Variants in BRD10 observed in about 807,000 individuals in gnomAD.
BRD10 encodes uncharacterized bromodomain-containing protein 10.
chr9:6,007,844 G>A, the BRD10 span: 2 of 1,382,936 alleles, frequency 1.4e-6, no homozygotes, highest in Non-Finnish European at 1.9e-6. Context: ...GCTGGGGGAC[G>A]CGTGAGCGCG....
At chr9:5,930,372 TATATATA>T in the BRD10 span, among the ~76,000 whole-genome samples, 2 of 25,444 alleles carry the variant, frequency 7.9e-5, no homozygotes, top group Non-Finnish European at 1.8e-4. Context: ...AAGGAGATTA[TATATATA>T]TATATATATA....
the BRD10 span, among the ~76,000 whole-genome samples, chr9:5,944,546 T>C: frequency 2.6e-5 from 4 of 152,034 alleles, no homozygotes; most frequent in African/African-American, 7.2e-5. Context: ...TAAAAGCATA[T>C]AATTATTAAG....
At chr9:5,893,809 C>T in the BRD10 span, among the ~76,000 whole-genome samples, 1 of 152,162 alleles carries the variant, frequency 6.6e-6, no homozygotes, top group African/African-American at 2.4e-5. Flanking sequence ...GTTGTGCCAT[C>T]ACCTCCACAT....
At chr9:5,996,661 C>G in the BRD10 span, among the ~76,000 whole-genome samples, 2 of 152,088 alleles carry the variant, frequency 1.3e-5, no homozygotes, top group African/African-American at 4.8e-5. Flanking sequence ...AATCGTTTTG[C>G]TTAGAATATA....
At chr9:5,934,374 T>TTTTTTG in the BRD10 span, among the ~76,000 whole-genome samples, 1 of 150,650 alleles carries the variant, frequency 6.6e-6, no homozygotes, top group African/African-American at 2.4e-5. Context: ...TTTTTTTTTT[T>TTTTTTG]TGGAGACAGG....
chr9:5,990,660 T>C, the BRD10 span, among the ~76,000 whole-genome samples: 1 of 152,146 alleles, frequency 6.6e-6, no homozygotes, highest in African/African-American at 2.4e-5. Context: ...TTACTCATAA[T>C]TAAAAGAAAA....
At chr9:6,007,968 G>A in the BRD10 span, 1 of 1,296,872 alleles carries the variant, frequency 7.7e-7, no homozygotes, top group Non-Finnish European at 9.7e-7. Flanking sequence ...CACCGCCGGC[G>A]GGGCGGGGTT....
chr9:5,884,379 C>T, the BRD10 span, among the ~76,000 whole-genome samples: 2 of 152,206 alleles, frequency 1.3e-5, no homozygotes, highest in Non-Finnish European at 2.9e-5. Flanking sequence ...CGCCCAGGAC[C>T]GGGGCCTCAG....
At chr9:5,907,959 T>C in the BRD10 span, among the ~76,000 whole-genome samples, 60 of 152,060 alleles carry the variant, frequency 3.9e-4, no homozygotes, top group Non-Finnish European at 7.7e-4. Flanking sequence ...ATCTCAAAAA[T>C]AAATAAATAA....
At chr9:5,920,902 T>C in the BRD10 span, 3 of 1,613,910 alleles carry the variant, frequency 1.9e-6, no homozygotes, top group East Asian at 4.5e-5. Context: ...ATGAGCAAAG[T>C]CTATTTGACA....
the BRD10 span, among the ~76,000 whole-genome samples, chr9:5,940,392 A>G: frequency 1.3e-5 from 2 of 151,978 alleles, no homozygotes; most frequent in South Asian, 2.1e-4. Context: ...ACAGGGTTTC[A>G]CCATGTTAGC....
the BRD10 span, among the ~76,000 whole-genome samples, chr9:5,904,082 T>C: frequency 6.6e-6 from 1 of 152,062 alleles, no homozygotes; most frequent in South Asian, 2.1e-4. Flanking sequence ...GGTCTTGAAC[T>C]CCTGAGCTCA....
the BRD10 span, among the ~76,000 whole-genome samples, chr9:5,883,848 T>C: frequency 6.6e-6 from 1 of 152,152 alleles, no homozygotes; most frequent in Non-Finnish European, 1.5e-5. Context: ...CCCATTAATT[T>C]TCTTAAGTAG....
the BRD10 span, among the ~76,000 whole-genome samples, chr9:5,960,166 C>A: frequency 6.6e-6 from 1 of 152,088 alleles, no homozygotes; most frequent in African/African-American, 2.4e-5. Flanking sequence ...AGGTCACTGA[C>A]CACTTTTTAA....
At chr9:5,953,956 A>C in the BRD10 span, 12 of 897,106 alleles carry the variant, frequency 1.3e-5, no homozygotes, top group Admixed American at 2.3e-5. Flanking sequence ...ACTCTCGAGG[A>C]ATGATATGAA....
At chr9:5,904,218 T>C in the BRD10 span, among the ~76,000 whole-genome samples, 26,301 of 152,194 alleles carry the variant, frequency 0.17, 2,378 homozygotes, top group Middle Eastern at 0.22. Context: ...GGGTTTCTTG[T>C]AGAGAACACA....
the BRD10 span, among the ~76,000 whole-genome samples, chr9:5,959,260 G>A: frequency 6.6e-6 from 1 of 151,994 alleles, no homozygotes; most frequent in Non-Finnish European, 1.5e-5. Context: ...TCTTACCCCT[G>A]CCAGCTTCTT....
the BRD10 span, among the ~76,000 whole-genome samples, chr9:5,983,425 T>C: frequency 6.6e-6 from 1 of 151,960 alleles, no homozygotes; most frequent in Non-Finnish European, 1.5e-5. Context: ...TAATTTCCAA[T>C]AAAAATTACT....
chr9:5,936,559 C>G, the BRD10 span, among the ~76,000 whole-genome samples: 1 of 152,120 alleles, frequency 6.6e-6, no homozygotes, highest in East Asian at 1.9e-4. Context: ...CCTTTGTGCT[C>G]TCTGCTGGAT....
Sources: allele counts gnomAD v4.1 joint callset (sites outside exome capture counted in the v4.1 genomes callset), GRCh38; gene constraint gnomAD v4.1.1; transcripts MANE v1.5; gene names NCBI Gene and HGNC (gene_info 2026-07-23, HGNC 2026-07-21).